Variants in MS4A7 observed in about 807,000 individuals in gnomAD.
MS4A7 encodes the protein membrane-spanning 4-domains subfamily A member 7.
Under a neutral mutation model 23.5 loss-of-function variants are expected in MS4A7, and 21 were observed. The observed-to-expected ratio is 0.89, with a 90% CI of 0.63 to 1.29. The LOEUF (loss-of-function observed/expected upper bound fraction) is 1.29, where lower values mean the gene tolerates loss of function less well. Ranked by LOEUF, MS4A7 falls within the 50% of genes most tolerant of loss-of-function variation. The pLI is 0.00. For synonymous variants in MS4A7, 111 were observed against 107.4 expected, an observed-to-expected ratio of 1.03 and a Z score of -0.21; for missense variants, 263 against 274.2, an observed-to-expected ratio of 0.96 and a Z score of 0.29.
chr11:60,390,252 C>A (rs2085536746), intron 5 of MS4A7, among the ~76,000 whole-genome samples: 1 of 152,184 alleles, frequency 6.6e-6, no homozygotes, highest in Admixed American at 6.5e-5. Flanking sequence ...CCTCTCTGGG[C>A]AGCATTTTCT....
chr11:60,385,036 C>T (rs1318576569), intron 2 of MS4A7, 52 bp from the exon 3 acceptor site: 37 of 1,528,106 alleles, frequency 2.4e-5, no homozygotes, highest in Non-Finnish European at 3.0e-5. Flanking sequence ...TTCAAATAAT[C>T]ACTTTTATCT....
At chr11:60,386,532 A>T (rs1182457605) in intron 3 of MS4A7, 185 bp from the exon 4 acceptor site, 4 of 510,146 alleles carry the variant, frequency 7.8e-6, no homozygotes, top group Admixed American at 7.2e-5. Flanking sequence ...ATTCAAAGTC[A>T]ATATAGACAT....
intron 4 of MS4A7, 122 bp downstream of exon 4, chr11:60,386,895 A>G: frequency 1.2e-6 from 1 of 842,272 alleles, no homozygotes; most frequent in Admixed American, 3.0e-5. Flanking sequence ...CAGGCTAGGA[A>G]GCCCAGGTTT....
intron 5 of MS4A7, among the ~76,000 whole-genome samples, chr11:60,390,311 A>C (rs541079691): frequency 6.6e-6 from 1 of 152,326 alleles, no homozygotes; most frequent in African/African-American, 2.4e-5. Context: ...CGTGGTGACA[A>C]GCCTTGCTTA....
chr11:60,386,800 GC>G, intron 4 of MS4A7, 27 bp downstream of exon 4: 1 of 1,561,994 alleles, frequency 6.4e-7, no homozygotes, highest in South Asian at 1.1e-5. Context: ...TCAAATCTCA[GC>G]TGGTTGGAAT....
chr11:60,387,229 GCGT>G (rs1008022029), intron 4 of MS4A7, among the ~76,000 whole-genome samples: 1 of 152,092 alleles, frequency 6.6e-6, no homozygotes, highest in East Asian at 1.9e-4. Flanking sequence ...TAGCCCTTCA[GCGT>G]CAGGGTGACC....
intron 5 of MS4A7, 138 bp from the exon 6 acceptor site, chr11:60,392,547 A>C (rs931243571): frequency 1.6e-6 from 1 of 618,594 alleles, no homozygotes; most frequent in East Asian, 2.8e-5. Flanking sequence ...TCTGAAAAAG[A>C]AAGCAGAAAA....
intron 2 of MS4A7, among the ~76,000 whole-genome samples, chr11:60,384,561 G>A (rs60819419): frequency 6.6e-6 from 1 of 152,132 alleles, no homozygotes; most frequent in Non-Finnish European, 1.5e-5. Context: ...TCTTTCAATT[G>A]CACATGCATT....
intron 5 of MS4A7, chr11:60,389,803 T>G (rs747147129): frequency 3.5e-6 from 2 of 566,564 alleles, no homozygotes; most frequent in Non-Finnish European, 6.4e-6. Context: ...GAGGAAATCA[T>G]GAAGGACAGT....
Position 60,385,883 on chromosome 11 carries a change from T to C in MS4A7, c.282+661T>C, listed in dbSNP as rs115821549. Among the ~76,000 whole-genome samples the C allele has an allele frequency of 2.2e-3, 338 of 152,308 alleles. 2 individuals carry two copies. The highest frequency in any genetic ancestry group is 7.4e-3 in the African/African-American group (306 of 41,572). On this transcript the variant is annotated intron_variant, in intron 3 of 6. Coordinates refer to ENST00000300184, the MANE Select transcript of MS4A7 (RefSeq NM_021201.5). ...TTTGGTACAAAGGATAAAAATCAAA[T>C]ATTCTGGGCAAATGAACTATACTAA...
chr11:60,385,239 C>T lies in MS4A7; in HGVS notation c.282+17C>T. ...GCTCTGTGTGTGAGTAGAATGGGGA[C>T]TCTAAGAGGGGACATGCTTTATAAA... On this transcript the variant is annotated intron_variant, in intron 3 of 6. Coordinates refer to ENST00000300184, the MANE Select transcript of MS4A7 (RefSeq NM_021201.5). 1 of 1,613,662 alleles carries T rather than the reference C, an allele frequency of 6.2e-7. No homozygotes were observed.
intron 3 of MS4A7, among the ~76,000 whole-genome samples, chr11:60,386,079 C>T (rs2085483163): frequency 6.6e-6 from 1 of 152,212 alleles, no homozygotes; most frequent in Non-Finnish European, 1.5e-5. Flanking sequence ...ACTGGACCCT[C>T]TTTGCCTGTG....
At chr11:60,389,962 T>G in intron 5 of MS4A7, 1 of 245,876 alleles carries the variant, frequency 4.1e-6, no homozygotes, top group South Asian at 5.4e-5. Flanking sequence ...TCATTTGAAT[T>G]ATATTTTAAT....
chr11:60,393,344 G>C (rs547124070), intron 6 of MS4A7, among the ~76,000 whole-genome samples: 5 of 152,026 alleles, frequency 3.3e-5, no homozygotes, highest in African/African-American at 1.2e-4. Context: ...GAATGAGAAC[G>C]CGTATCCCCT....
chr11:60,380,241 G>T (rs1423204711), intron 1 of MS4A7, among the ~76,000 whole-genome samples: 1 of 152,152 alleles, frequency 6.6e-6, no homozygotes, highest in African/African-American at 2.4e-5. Flanking sequence ...TTATAAAATG[G>T]CATGGATAGA....
chr11:60,384,288 C>G (rs1590791765), intron 2 of MS4A7, among the ~76,000 whole-genome samples: 1 of 152,194 alleles, frequency 6.6e-6, no homozygotes, highest in African/African-American at 2.4e-5. Flanking sequence ...GCCTAAAAAT[C>G]CCTACATAGT....
At chr11:60,385,290 G>A (rs984072622) in intron 3 of MS4A7, 68 bp downstream of exon 3, 3 of 1,584,874 alleles carry the variant, frequency 1.9e-6, no homozygotes, top group East Asian at 2.2e-5. Flanking sequence ...TAGTCGTGGA[G>A]TGACTCAGAC....
chr11:60,393,649 A>G (rs2085578085), intron 6 of MS4A7, 138 bp from the exon 7 acceptor site: 1 of 494,160 alleles, frequency 2.0e-6, no homozygotes, highest in African/African-American at 2.0e-5. Flanking sequence ...TTTTTAATTA[A>G]TATTGCTGCA....
At chr11:60,379,821 C>T (rs74836746) in intron 1 of MS4A7, among the ~76,000 whole-genome samples, 1,670 of 152,288 alleles carry the variant, frequency 0.011, 78 homozygotes, top group Admixed American at 0.085. Context: ...AGGCATGAGC[C>T]GCTGCACCCA....
Sources: allele counts gnomAD v4.1 joint callset (sites outside exome capture counted in the v4.1 genomes callset), GRCh38; gene constraint gnomAD v4.1.1; transcripts MANE v1.5; gene names NCBI Gene and HGNC (gene_info 2026-07-23, HGNC 2026-07-21).